MGAT5: variants seen among roughly 807,000 people sequenced by gnomAD.
The protein encoded by MGAT5 is alpha-1,6-mannosylglycoprotein 6-beta-N-acetylglucosaminyltransferase, also known as alpha-1,6-mannosylglycoprotein 6-beta-N-acetylglucosaminyltransferase A.
Under a neutral mutation model 94.3 loss-of-function variants are expected in MGAT5, and 30 were observed. The ratio of observed to expected loss-of-function variants is 0.32; its 90% CI spans 0.24 to 0.43. The LOEUF is 0.43. MGAT5 is among the 20% of genes least tolerant of loss of function. The pLI is 1.00. For missense variants in MGAT5, 691 were observed against 905.5 expected, an observed-to-expected ratio of 0.76 and a Z score of 3.04; for synonymous variants, 310 against 322.9, an observed-to-expected ratio of 0.96 and a Z score of 0.43.
intron 1 of MGAT5, among the ~76,000 whole-genome samples, chr2:134,225,989 T>C (rs1681042564): frequency 6.6e-6 from 1 of 152,238 alleles, no homozygotes; most frequent in Non-Finnish European, 1.5e-5. Flanking sequence ...ACCTTTTGTG[T>C]GTTAAGTAGC....
chr2:134,336,285 A>G lies in MGAT5; in HGVS notation c.642A>G (p.Ser214=). 6.2e-7 allele frequency: 1 copy of G among 1,612,192 alleles called. No individual in the cohort carries two copies. Among genetic ancestry groups the G allele is most frequent in the Admixed American group, 1.7e-5 (1 of 59,848 alleles). The change falls in exon 5 of 16, where the codon TCA becomes TCG. Residue 214 remains serine (S), a synonymous_variant. Coordinates refer to ENST00000281923, the MANE Select transcript of MGAT5 (RefSeq NM_002410.5). ...KNPYEEADHN[S]LAEIRTDFNI... ...CCTACGAAGAAGCTGATCATAATTC[A>G]TTGGTAAGTGATTTTGGAAAACTCT... is the stretch of plus-strand genomic sequence containing the variant.
chr2:134,396,163 T>C (rs1056790769), intron 10 of MGAT5, among the ~76,000 whole-genome samples: 4 of 152,146 alleles, frequency 2.6e-5, no homozygotes, highest in African/African-American at 9.7e-5. Context: ...CAAGGGTTTT[T>C]CAGAGCCCCA....
At chr2:134,206,157 G>C (rs1005789937) in intron 1 of MGAT5, among the ~76,000 whole-genome samples, 1 of 152,210 alleles carries the variant, frequency 6.6e-6, no homozygotes, top group African/African-American at 2.4e-5. Flanking sequence ...ATGAATGTCA[G>C]TTCCTTTTTT....
At chr2:134,213,488 A>T (rs1196140254) in intron 1 of MGAT5, among the ~76,000 whole-genome samples, 1 of 152,174 alleles carries the variant, frequency 6.6e-6, no homozygotes, top group Non-Finnish European at 1.5e-5. Context: ...GATGTCCTAC[A>T]ATTCAATTCT....
At chr2:134,345,400 G>A (rs1338201695) in intron 8 of MGAT5, among the ~76,000 whole-genome samples, 1 of 152,092 alleles carries the variant, frequency 6.6e-6, no homozygotes, top group Non-Finnish European at 1.5e-5. Context: ...GTGTTCCGTG[G>A]GTTTTAGATC....
At chr2:134,308,839 A>C (rs1309737855) in intron 2 of MGAT5, among the ~76,000 whole-genome samples, 3 of 152,334 alleles carry the variant, frequency 2.0e-5, no homozygotes, top group Non-Finnish European at 2.9e-5. Flanking sequence ...GTTTGAGACC[A>C]GCCTGGGCAA....
intron 4 of MGAT5, among the ~76,000 whole-genome samples, chr2:134,328,645 G>A (rs539264885): frequency 1.3e-5 from 2 of 152,170 alleles, no homozygotes; most frequent in South Asian, 4.1e-4. Context: ...GACATTACCT[G>A]TGTGCCAGGT....
intron 1 of MGAT5, among the ~76,000 whole-genome samples, chr2:134,205,643 A>G (rs1248990157): frequency 6.6e-6 from 1 of 152,174 alleles, no homozygotes; most frequent in East Asian, 1.9e-4. Context: ...GGATGTTTGG[A>G]TCTGGACCTT....
chr2:134,338,440 A>G lies in MGAT5; in HGVS notation c.807+20A>G. The stretch of plus-strand genomic sequence containing the variant: ...AAGAAAGTGAGTTTCTTATTAATTC[A>G]GTGCAGTTAGATGCCAGCTTTCTTT... On this transcript the variant is annotated intron_variant, in intron 6 of 15. Transcript: ENST00000281923. The G allele has an allele frequency of 6.4e-7, 1 of 1,570,632 alleles. No individual in the cohort carries two copies.
At chr2:134,347,735 G>A (rs914876644) in intron 8 of MGAT5, among the ~76,000 whole-genome samples, 3 of 152,296 alleles carry the variant, frequency 2.0e-5, no homozygotes, top group African/African-American at 7.2e-5. Context: ...GAGTATCCTT[G>A]GATTTTGGTG....
At chr2:134,152,064 ACTG>A (rs1687226766) in intron 1 of MGAT5, among the ~76,000 whole-genome samples, 1 of 140,872 alleles carries the variant, frequency 7.1e-6, no homozygotes, top group Non-Finnish European at 1.5e-5. Context: ...GGACCCGCCC[ACTG>A]CCATGGGACC....
chr2:134,341,906 A>G (rs1178252509), intron 7 of MGAT5, 147 bp downstream of exon 7: 3 of 665,182 alleles, frequency 4.5e-6, no homozygotes, highest in Non-Finnish European at 7.3e-6. Flanking sequence ...GATTATTTTC[A>G]GGAGCTAAAT....
chr2:134,215,801 T>C (rs1680466716), intron 1 of MGAT5, among the ~76,000 whole-genome samples: 1 of 152,234 alleles, frequency 6.6e-6, no homozygotes, highest in Non-Finnish European at 1.5e-5. Context: ...TCCTAAGCAG[T>C]TGTATCAATA....
At chr2:134,355,982 A>C (rs1021919309) in intron 9 of MGAT5, among the ~76,000 whole-genome samples, 1 of 152,248 alleles carries the variant, frequency 6.6e-6, no homozygotes, top group Admixed American at 6.5e-5. Context: ...CTCACTTTTC[A>C]TATCATTACC....
At chr2:134,309,885 A>G (rs1206909400) in intron 2 of MGAT5, among the ~76,000 whole-genome samples, 1 of 152,240 alleles carries the variant, frequency 6.6e-6, no homozygotes, top group African/African-American at 2.4e-5. Context: ...CATAAAATAG[A>G]TTAAATAAAT....
intron 1 of MGAT5, among the ~76,000 whole-genome samples, chr2:134,185,351 T>C (rs992063877): frequency 6.6e-6 from 1 of 152,166 alleles, no homozygotes; most frequent in Non-Finnish European, 1.5e-5. Context: ...TGGCTTTGTA[T>C]ATATGAAGGT....
chr2:134,351,519 A>G (rs1679385584), intron 9 of MGAT5, among the ~76,000 whole-genome samples: 1 of 152,176 alleles, frequency 6.6e-6, no homozygotes, highest in Non-Finnish European at 1.5e-5. Context: ...ATTTTAGAAT[A>G]TTGGAATTCA....
upstream of MGAT5, among the ~76,000 whole-genome samples, chr2:134,251,934 T>C (rs1375873185): frequency 6.6e-6 from 1 of 152,230 alleles, no homozygotes; most frequent in Non-Finnish European, 1.5e-5. Flanking sequence ...ACTGTTCTGT[T>C]ATCTCCTATG....
chr2:134,216,691 A>AT (rs1195594401), intron 1 of MGAT5, among the ~76,000 whole-genome samples: 2 of 152,236 alleles, frequency 1.3e-5, no homozygotes, highest in African/African-American at 4.8e-5. Context: ...TAGGAAGGTG[A>AT]TTAATGAAGA....
Sources: gnomAD v4.1 joint callset for allele counts (sites outside exome capture counted in the v4.1 genomes callset) on GRCh38, gnomAD v4.1.1 for gene constraint, MANE v1.5 for transcripts, NCBI Gene and HGNC (gene_info 2026-07-23, HGNC 2026-07-21) for gene names.